DSCAM: variants seen among roughly 807,000 people sequenced by gnomAD.
The protein encoded by DSCAM is DS cell adhesion molecule.
Under a neutral mutation model 217.7 loss-of-function variants are expected in DSCAM, and 47 were observed. That is an observed-to-expected ratio of 0.22 (90% CI 0.17 to 0.28). The LOEUF is 0.28. DSCAM is among the 10% of genes least tolerant of loss of function. The pLI is 1.00. For synonymous variants in DSCAM, 1,056 were observed against 1,015.3 expected, an observed-to-expected ratio of 1.04 and a Z score of -0.76; for missense variants, 2,080 against 2,618.3, an observed-to-expected ratio of 0.79 and a Z score of 4.49.
intron 3 of DSCAM, among the ~76,000 whole-genome samples, chr21:40,452,931 T>A (rs138238113): frequency 3.3e-5 from 5 of 152,158 alleles, no homozygotes; most frequent in Non-Finnish European, 1.5e-5. Flanking sequence ...GGTAATTCCA[T>A]ATTAAGTTCA....
chr21:40,620,471 G>A (rs1480721942), intron 3 of DSCAM, among the ~76,000 whole-genome samples: 1 of 138,602 alleles, frequency 7.2e-6, no homozygotes, highest in East Asian at 2.3e-4. Context: ...AGGAAGGAAG[G>A]AAAAAGGGAA....
chr21:40,668,448 T>G (rs995245724), intron 3 of DSCAM, among the ~76,000 whole-genome samples: 3 of 152,122 alleles, frequency 2.0e-5, no homozygotes, highest in African/African-American at 7.2e-5. Context: ...AAAGCAAATC[T>G]CTAAGGGCAT....
At chr21:40,840,756 T>G (rs1023601350) in intron 1 of DSCAM, among the ~76,000 whole-genome samples, 1 of 152,024 alleles carries the variant, frequency 6.6e-6, no homozygotes, top group African/African-American at 2.4e-5. Flanking sequence ...GTCCAGTGGT[T>G]TAGTCAGAAT....
At chr21:40,247,422 G>T (rs1466624518) in intron 11 of DSCAM, among the ~76,000 whole-genome samples, 1 of 152,164 alleles carries the variant, frequency 6.6e-6, no homozygotes, top group Admixed American at 6.5e-5. Flanking sequence ...ATACAATGGG[G>T]GTACAGGCAT....
rs77118045 is a variant in DSCAM at position 40,696,615 on chromosome 21, C to T, written c.362-3659G>A. Among the ~76,000 whole-genome samples the T allele has an allele frequency of 4.6e-4, 70 of 152,198 alleles. 1 individual carries two copies. The East Asian group carries it at 0.011, about 23-fold the overall frequency. The stretch of plus-strand genomic sequence containing the variant: ...AGGTTCATGTTCTTAGCAACCAGCG[C>T]GCAGATCTTGGGGGATCTGATTCAG... On this transcript the variant is annotated intron_variant, in intron 2 of 32. Coordinates refer to ENST00000400454, the MANE Select transcript of DSCAM (RefSeq NM_001389.5).
At chr21:40,470,208 C>T (rs2075876691) in intron 3 of DSCAM, among the ~76,000 whole-genome samples, 1 of 152,172 alleles carries the variant, frequency 6.6e-6, no homozygotes, top group East Asian at 1.9e-4. Context: ...TAACTTAATA[C>T]ACAAAGCTTT....
At chr21:40,843,717 G>T (rs955015895) in intron 1 of DSCAM, among the ~76,000 whole-genome samples, 6 of 151,100 alleles carry the variant, frequency 4.0e-5, no homozygotes, top group Non-Finnish European at 7.4e-5. Flanking sequence ...TTTAAAACAC[G>T]ATACTGCACC....
At position 40,461,812 on chromosome 21, in the gene DSCAM, A is replaced by C. The variant is rs2145949754; in HGVS notation, c.509-92567T>G. ...TGAATGGCCATTGCTGGCTTTGCAG[A>C]GAGAAGGGACTAATGGATTGTGAGT... On this transcript the variant is annotated intron_variant, in intron 3 of 32. Coordinates refer to ENST00000400454, the MANE Select transcript of DSCAM (RefSeq NM_001389.5). 1.3e-5 allele frequency among the ~76,000 whole-genome samples: 2 copies of C among 152,336 alleles called. 1 individual carries two copies. Among genetic ancestry groups the C allele is most frequent in the Admixed American group, 1.3e-4 (2 of 15,298 alleles).
At chr21:40,837,080 A>T (rs923529900) in intron 1 of DSCAM, among the ~76,000 whole-genome samples, 1 of 152,242 alleles carries the variant, frequency 6.6e-6, no homozygotes, top group Non-Finnish European at 1.5e-5. Context: ...AAGGATACTA[A>T]CTAATGTTCA....
intron 1 of DSCAM, among the ~76,000 whole-genome samples, chr21:40,822,450 A>ATTT (rs1186818254): frequency 1.5e-4 from 20 of 136,676 alleles, no homozygotes; most frequent in Admixed American, 3.0e-4. Flanking sequence ...TTTTTTTTTA[A>ATTT]AAAAAAAGAC....
At chr21:40,785,851 A>G (rs1396399747) in intron 1 of DSCAM, among the ~76,000 whole-genome samples, 12 of 152,256 alleles carry the variant, frequency 7.9e-5, no homozygotes, top group Admixed American at 7.8e-4. Context: ...ATGGTAGACT[A>G]CTAGTTTCTT....
At chr21:40,365,371 A>G (rs1165376738) in intron 4 of DSCAM, among the ~76,000 whole-genome samples, 3 of 152,170 alleles carry the variant, frequency 2.0e-5, no homozygotes. Flanking sequence ...TCAGACTCCA[A>G]GTTCTTCAAC....
intron 1 of DSCAM, among the ~76,000 whole-genome samples, chr21:40,841,354 A>C (rs557168741): frequency 2.2e-4 from 34 of 152,298 alleles, no homozygotes; most frequent in African/African-American, 7.5e-4. Context: ...GGAATCTTCC[A>C]TTCCCACTGC....
chr21:40,751,474 T>C (rs1301293897), intron 1 of DSCAM, among the ~76,000 whole-genome samples: 1 of 152,218 alleles, frequency 6.6e-6, no homozygotes, highest in Non-Finnish European at 1.5e-5. Flanking sequence ...GTTGAATAAA[T>C]GAACAAACTA....
chr21:40,246,424 T>C (rs2146951955), intron 11 of DSCAM, among the ~76,000 whole-genome samples: 1 of 127,628 alleles, frequency 7.8e-6, no homozygotes, highest in Non-Finnish European at 1.6e-5. Context: ...GCCTGTAGTC[T>C]CAGCTACTCA....
chr21:40,647,025 A>AT (rs1344657951), intron 3 of DSCAM, among the ~76,000 whole-genome samples: 1 of 152,198 alleles, frequency 6.6e-6, no homozygotes, highest in Non-Finnish European at 1.5e-5. Flanking sequence ...TTGCTCTGGG[A>AT]TTTTGAAGGA....
intron 3 of DSCAM, among the ~76,000 whole-genome samples, chr21:40,559,044 T>C (rs949896200): frequency 1.3e-5 from 2 of 152,226 alleles, no homozygotes; most frequent in African/African-American, 4.8e-5. Context: ...GTTTACCTCA[T>C]AATGAAACAA....
rs1568955396 is a variant in DSCAM, at chr21:40,637,651, C to CA, written c.508+55158_508+55159insT. On this transcript the variant is annotated intron_variant, in intron 3 of 32. Coordinates refer to ENST00000400454, the MANE Select transcript of DSCAM (RefSeq NM_001389.5). Reference sequence around the variant, plus strand: ...TATATAAATATATATAAATATATATCTATATATATATATATAAATTTTTTT... The same window carrying CA: ...TATATAAATATATATAAATATATATCATATATATATATATATAAATTTTTTT... Among the ~76,000 whole-genome samples, 31 of 71,010 alleles carry CA rather than the reference C, an allele frequency of 4.4e-4. 1 individual carries two copies. Among genetic ancestry groups the CA allele is most frequent in the Non-Finnish European group, 4.1e-4 (16 of 38,616 alleles). The allele number at this position is 71,010 out of a possible 152,430, so 46.6% of individuals were successfully genotyped here. A position where few individuals can be genotyped will look rare whatever the true frequency, so the allele number is the denominator to read the frequency against.
At chr21:40,183,635 G>A (rs1371276636) in intron 14 of DSCAM, among the ~76,000 whole-genome samples, 3 of 152,192 alleles carry the variant, frequency 2.0e-5, no homozygotes, top group Non-Finnish European at 4.4e-5. Context: ...CTGGATCCAG[G>A]AAGGTCTATT....
Sources: allele counts gnomAD v4.1 joint callset (sites outside exome capture counted in the v4.1 genomes callset), GRCh38; gene constraint gnomAD v4.1.1; transcripts MANE v1.5; gene names NCBI Gene and HGNC (gene_info 2026-07-23, HGNC 2026-07-21).